Variants in NUGGC observed in about 807,000 individuals in gnomAD.
NUGGC encodes the protein nuclear GTPase SLIP-GC.
In NUGGC, 58 loss-of-function variants were observed where a neutral mutation model predicts 92.6. That is an observed-to-expected ratio of 0.63 (90% confidence interval 0.51 to 0.78). NUGGC has a LOEUF of 0.78. Ranked by LOEUF, NUGGC falls within the 30% of genes least tolerant of loss-of-function variation. The pLI is 0.00. For missense variants in NUGGC, 925 were observed against 964.6 expected, an observed-to-expected ratio of 0.96 and a Z score of 0.54; for synonymous variants, 376 against 366.4, an observed-to-expected ratio of 1.03 and a Z score of -0.30.
rs1471131763 is a variant in NUGGC at position 28,064,520 on chromosome 8, A to G, written c.921+2T>C. The G allele has an allele frequency of 6.2e-7, 1 of 1,613,556 alleles. No individual in the cohort carries two copies. The highest frequency in any genetic ancestry group is 8.5e-7 in the Non-Finnish European group (1 of 1,179,512). On this transcript the variant is annotated splice_donor_variant, in intron 7 of 18. Coordinates refer to ENST00000413272, the MANE Select transcript of NUGGC (RefSeq NM_001010906.2). LOFTEE classifies it high-confidence loss of function. ...AGAACTAAACCTACGAAAGACAGTCACCTTTTTCCACATCTCGTCCCTCTT... is the reference window on the plus strand; with the variant it reads ...AGAACTAAACCTACGAAAGACAGTCGCCTTTTTCCACATCTCGTCCCTCTT...
In NUGGC at chr8:28,067,546, TG is replaced by T; in HGVS notation, c.678del (p.Thr227ProfsTer42). The T allele has an allele frequency of 6.2e-7, 1 of 1,611,784 alleles. No individual in the cohort carries two copies. The highest frequency in any genetic ancestry group is 8.5e-7 in the Non-Finnish European group (1 of 1,178,936). On this transcript the variant is annotated frameshift_variant, in exon 6 of 19. Coordinates refer to ENST00000413272, the MANE Select transcript of NUGGC (RefSeq NM_001010906.2). LOFTEE classifies it high-confidence loss of function. The stretch of plus-strand genomic sequence containing the variant: ...GCCTTGAGGGTGATGACTCTGGAGG[TG>T]GGGATCTTCCTTTTGGGCTTCGCCC... ...LLRAKPKRKI[P>X]TSRVITLKAE... is the part of the protein sequence containing the mutation.
intron 17 of NUGGC, among the ~76,000 whole-genome samples, chr8:28,028,571 AG>A (rs1396596840): frequency 5.9e-5 from 9 of 152,316 alleles, no homozygotes; most frequent in Non-Finnish European, 8.8e-5. Context: ...TCACATGGCC[AG>A]GGAGGAAGCC....
intron 10 of NUGGC, among the ~76,000 whole-genome samples, chr8:28,054,984 C>T (rs765680550): frequency 1.3e-5 from 2 of 150,960 alleles, no homozygotes; most frequent in African/African-American, 2.5e-5. Context: ...GTCAGGAGTT[C>T]AAGACCAGCC....
At chr8:28,082,203 A>G (rs941501694) in intron 1 of NUGGC, among the ~76,000 whole-genome samples, 18 of 152,380 alleles carry the variant, frequency 1.2e-4, no homozygotes, top group African/African-American at 4.3e-4. Context: ...TGTTTTCAGC[A>G]TTAACACATC....
intron 6 of NUGGC, among the ~76,000 whole-genome samples, chr8:28,065,462 A>T (rs1810418802): frequency 6.6e-6 from 1 of 152,180 alleles, no homozygotes; most frequent in Non-Finnish European, 1.5e-5. Context: ...GCCTGGCCGA[A>T]ATTGGATCTT....
chr8:28,030,314 G>A lies in NUGGC; in HGVS notation c.2013C>T (p.Tyr671=), dbSNP rs202103381. The A allele has an allele frequency of 3.1e-3, 4,816 of 1,543,098 alleles. 10 individuals carry two copies. The highest frequency in any genetic ancestry group is 3.9e-3 in the Non-Finnish European group (4,414 of 1,132,432). ...ASVQSDLKLC[Y]EEAAQITGKK... ...GCTGTCCTCCGCAGCCCCCACCTTC[G>A]TAACAGAGCTTCAGGTCACTCTGGA... Residue 671 remains tyrosine (Y), a synonymous_variant, in exon 16 of 19, where the codon TAC becomes TAT. Transcript: ENST00000413272.
At chr8:28,041,258 A>G in intron 12 of NUGGC, 43 bp from the exon 13 acceptor site, 7 of 1,565,138 alleles carry the variant, frequency 4.5e-6, no homozygotes, top group Non-Finnish European at 6.1e-6. Flanking sequence ...CCCCCTCCCT[A>G]AGGGCACCTT....
At position 28,048,480 on chromosome 8, in the gene NUGGC, A is replaced by C. The variant is rs529724434; in HGVS notation, c.1207-868T>G. 2.0e-5 allele frequency among the ~76,000 whole-genome samples: 3 copies of C among 152,306 alleles called. No homozygotes were observed. In the East Asian group the frequency reaches 5.8e-4, roughly 29 times the overall value. On this transcript the variant is annotated intron_variant, in intron 10 of 18. Transcript: ENST00000413272. The stretch of plus-strand genomic sequence containing the variant: ...CTAGTTGTTAAACATTTACAAGCGC[A>C]ACGCAACACAAACCTGGCTAAGGTC...
intron 4 of NUGGC, 114 bp from the exon 5 acceptor site, chr8:28,068,552 A>T: frequency 1.4e-6 from 1 of 697,810 alleles, no homozygotes; most frequent in South Asian, 1.8e-5. Context: ...CTACAACCTG[A>T]GTCTCTGTTC....
intron 7 of NUGGC, among the ~76,000 whole-genome samples, chr8:28,061,367 T>C (rs2130217101): frequency 1.3e-5 from 2 of 152,352 alleles, no homozygotes; most frequent in Middle Eastern, 3.4e-3. Context: ...TGTGTAGCCT[T>C]GTGACATTTC....
Position 28,064,678 on chromosome 8 carries a change from A to G in NUGGC, c.765T>C (p.Asp255=), listed in dbSNP as rs116792344. ...LDPYIRTQRR[D]WDGEAAEMRI... is the part of the protein sequence containing the mutation. ...GCATCTCAGCGGCCTCTCCATCCCA[A>G]TCTCTCCTCTGTGTGCGGATGTAGG... is the stretch of plus-strand genomic sequence containing the variant. Residue 255 remains aspartate (D), a synonymous_variant, in exon 7 of 19, where the codon GAT becomes GAC. Coordinates refer to ENST00000413272, the MANE Select transcript of NUGGC (RefSeq NM_001010906.2). The G allele has an allele frequency of 3.5e-4, 561 of 1,613,970 alleles. 3 individuals are homozygous for G. The African/African-American group carries it at 6.6e-3, about 19-fold the overall frequency.
At position 28,023,000 on chromosome 8, in the gene NUGGC, G is replaced by GCA; in HGVS notation, c.*316_*317insTG. On this transcript the variant is annotated 3_prime_UTR_variant, in exon 19 of 19. Coordinates refer to ENST00000413272, the MANE Select transcript of NUGGC (RefSeq NM_001010906.2). Reference sequence around the variant, plus strand: ...GCAGAGAATTTCTTGAACCCAGGAGGTGGAGGTTGCAGTGAGCCGAGATTG... The same window carrying GCA: ...GCAGAGAATTTCTTGAACCCAGGAGGCATGGAGGTTGCAGTGAGCCGAGATTG... 1.1e-5 allele frequency: 2 copies of GCA among 187,052 alleles called. No individual in the cohort carries two copies. The highest frequency in any genetic ancestry group is 2.2e-5 in the Non-Finnish European group (2 of 91,024). The allele number at this position is 187,052 out of a possible 1,614,324, so 11.6% of individuals were successfully genotyped here. A position where few individuals can be genotyped will look rare whatever the true frequency, so the allele number is the denominator to read the frequency against.
chr8:28,048,860 CA>C (rs60050826), intron 10 of NUGGC, among the ~76,000 whole-genome samples: 11,403 of 108,834 alleles, frequency 0.1, 283 homozygotes, highest in Non-Finnish European at 0.14. Context: ...GATTCCATCT[CA>C]AAAAAAAAAA....
chr8:28,060,360 G>T, intron 8 of NUGGC, 66 bp downstream of exon 8: 2 of 1,447,868 alleles, frequency 1.4e-6, no homozygotes, highest in Non-Finnish European at 1.9e-6. Context: ...CCATGCTACT[G>T]TAGTCAGGAC....
chr8:28,041,137 A>C lies in NUGGC; in HGVS notation c.1525T>G (p.Cys509Gly). 1 of 1,610,328 alleles carries C rather than the reference A, an allele frequency of 6.2e-7. No individual in the cohort carries two copies. Among genetic ancestry groups the C allele is most frequent in the Non-Finnish European group, 8.5e-7 (1 of 1,178,534 alleles). Residue 509 changes from cysteine (C) to glycine (G), a missense_variant, in exon 13 of 19, where the codon TGC (cysteine) becomes GGC (glycine). Transcript: ENST00000413272. ...AGAGGCTGCTCCATGCAGGCGAAGC[A>C]CTGTGCGATGGCCTTCTCCAGCAGC... is the stretch of plus-strand genomic sequence containing the variant. ...VELLEKAIAQ[C>G]FACMEQPLQE... is the part of the protein sequence containing the mutation.
intron 1 of NUGGC, among the ~76,000 whole-genome samples, chr8:28,079,522 C>A (rs1482687233): frequency 1.3e-5 from 2 of 152,026 alleles, no homozygotes; most frequent in African/African-American, 4.8e-5. Context: ...GGCAACAAAG[C>A]GAGATTTCGT....
At chr8:28,026,736 G>T (rs78505933) in intron 18 of NUGGC, among the ~76,000 whole-genome samples, 4,802 of 151,984 alleles carry the variant, frequency 0.032, 90 homozygotes, top group Middle Eastern at 0.055. Flanking sequence ...TCAGTTGGGT[G>T]CTGGGCAAAG....
At chr8:28,043,092 G>A (rs895671663) in intron 12 of NUGGC, among the ~76,000 whole-genome samples, 8 of 152,174 alleles carry the variant, frequency 5.3e-5, no homozygotes, top group South Asian at 4.1e-4. Context: ...TTTTGAATTT[G>A]TGGTGTCACC....
At chr8:28,066,770 G>A (rs1462140990) in intron 6 of NUGGC, among the ~76,000 whole-genome samples, 1 of 152,176 alleles carries the variant, frequency 6.6e-6, no homozygotes, top group South Asian at 2.1e-4. Flanking sequence ...GTTGCCTATC[G>A]AATGTCCATC....
Sources: allele counts gnomAD v4.1 joint callset (sites outside exome capture counted in the v4.1 genomes callset), GRCh38; gene constraint gnomAD v4.1.1; transcripts MANE v1.5; gene names NCBI Gene and HGNC (gene_info 2026-07-23, HGNC 2026-07-21).